Variants in TMEM181 observed in about 807,000 individuals in gnomAD.
The protein encoded by TMEM181 is transmembrane protein 181.
TMEM181 carries 39 observed loss-of-function variants against 71.9 expected under a neutral mutation model. The ratio of observed to expected loss-of-function variants is 0.54; its 90% CI spans 0.42 to 0.71. The LOEUF is 0.71. TMEM181 is among the 30% of genes least tolerant of loss of function. The probability of loss-of-function intolerance (pLI) is 0.00; values close to 1 mark genes in which losing one functional copy is unlikely to be tolerated. For missense variants in TMEM181, 595 were observed against 583.0 expected (o/e 1.02, Z -0.21); for synonymous variants, 245 against 228.8 (o/e 1.07, Z -0.64).
At chr6:158,583,023 A>T (rs562784944) in intron 3 of TMEM181, among the ~76,000 whole-genome samples, 190 of 152,208 alleles carry the variant, frequency 1.2e-3, no homozygotes, top group African/African-American at 4.5e-3. Context: ...TCATGAGATC[A>T]GGACTTCAAG....
chr6:158,567,303 A>G (rs1007195876), intron 1 of TMEM181, among the ~76,000 whole-genome samples: 1 of 152,188 alleles, frequency 6.6e-6, no homozygotes, highest in African/African-American at 2.4e-5. Context: ...CCGGCTGGGC[A>G]GGTGGGGAAG....
chr6:158,626,538 T>G (rs1198586269), intron 13 of TMEM181: 7 of 455,968 alleles, frequency 1.5e-5, no homozygotes, highest in Non-Finnish European at 2.2e-5. Context: ...GCTCTGGGAG[T>G]CCCCACCTTG....
At chr6:158,621,497 G>A (rs779015853) in intron 10 of TMEM181, 12 of 202,768 alleles carry the variant, frequency 5.9e-5, no homozygotes, top group East Asian at 1.3e-4. Flanking sequence ...CTACCAGCCC[G>A]TCCTGAACCC....
At chr6:158,581,975 T>G (rs1168542259) in intron 3 of TMEM181, among the ~76,000 whole-genome samples, 1 of 152,140 alleles carries the variant, frequency 6.6e-6, no homozygotes, top group Non-Finnish European at 1.5e-5. Flanking sequence ...TAAATCTGAT[T>G]GTATGACCCC....
chr6:158,581,592 A>G (rs1338709961), intron 3 of TMEM181, among the ~76,000 whole-genome samples: 2 of 151,866 alleles, frequency 1.3e-5, no homozygotes, highest in African/African-American at 4.8e-5. Flanking sequence ...TCTCTACTGA[A>G]AATACAAAAA....
upstream of TMEM181, among the ~76,000 whole-genome samples, chr6:158,559,567 T>C (rs755113390): frequency 3.3e-5 from 5 of 152,208 alleles, no homozygotes; most frequent in Admixed American, 6.5e-5. Context: ...AAAGTGCTTT[T>C]GGTCCACTGG....
chr6:158,556,787 G>A (rs1399652616), upstream of TMEM181, among the ~76,000 whole-genome samples: 1 of 152,108 alleles, frequency 6.6e-6, no homozygotes, highest in East Asian at 1.9e-4. Flanking sequence ...TTTTGAGATG[G>A]AGTCTCGCTC....
intron 1 of TMEM181, among the ~76,000 whole-genome samples, chr6:158,552,452 T>C (rs1781749649): frequency 6.6e-6 from 1 of 152,232 alleles, no homozygotes; most frequent in Non-Finnish European, 1.5e-5. Flanking sequence ...GAGGAATACA[T>C]GGATCTTAGA....
In TMEM181 at chr6:158,633,814, CTG is replaced by C. The variant is rs1786791977; in HGVS notation, c.*1930_*1931del. ...AATTTGCAATGATGTTTTTTTTATT[CTG>C]TGTATTGAAAAAAATTTTCTGTTAC... is the stretch of plus-strand genomic sequence containing the variant. On this transcript the variant is annotated 3_prime_UTR_variant, in exon 17 of 17. Transcript: ENST00000684151. 2.0e-5 allele frequency: 3 copies of C among 151,970 alleles called. No homozygotes were observed. The South Asian group carries it at 6.2e-4, about 32-fold the overall frequency. The allele number at this position is 151,970 out of a possible 1,614,324, so 9.4% of individuals were successfully genotyped here. A position where few individuals can be genotyped will look rare whatever the true frequency, so the allele number is the denominator to read the frequency against.
intron 10 of TMEM181, among the ~76,000 whole-genome samples, chr6:158,618,596 T>TTG (rs1785762441): frequency 1.3e-5 from 2 of 152,372 alleles, no homozygotes; most frequent in South Asian, 2.1e-4. Flanking sequence ...ATTGATGGTC[T>TTG]TTACAGTTTG....
At chr6:158,540,446 C>T (rs759013909) in intron 1 of TMEM181, among the ~76,000 whole-genome samples, 2 of 152,190 alleles carry the variant, frequency 1.3e-5, no homozygotes, top group Non-Finnish European at 2.9e-5. Context: ...GGTTGTAATA[C>T]TCCTAAACTG....
chr6:158,575,245 A>G (rs1470946587), intron 2 of TMEM181, among the ~76,000 whole-genome samples: 2 of 152,198 alleles, frequency 1.3e-5, no homozygotes, highest in Non-Finnish European at 2.9e-5. Flanking sequence ...GGTTATTACT[A>G]TTTTAGAGTT....
At chr6:158,622,549 A>T (rs1027747669) in intron 10 of TMEM181, among the ~76,000 whole-genome samples, 4 of 152,216 alleles carry the variant, frequency 2.6e-5, no homozygotes, top group African/African-American at 9.6e-5. Context: ...ATGGTGCAGG[A>T]TGTCATCGTG....
At chr6:158,570,205 G>A (rs1208003106) in intron 1 of TMEM181, among the ~76,000 whole-genome samples, 2 of 151,556 alleles carry the variant, frequency 1.3e-5, no homozygotes, top group Admixed American at 6.6e-5. Flanking sequence ...ACAGCAGAGG[G>A]CCAGAGATAG....
intron 10 of TMEM181, among the ~76,000 whole-genome samples, chr6:158,611,852 T>G (rs987665572): frequency 6.6e-6 from 1 of 152,178 alleles, no homozygotes; most frequent in Non-Finnish European, 1.5e-5. Flanking sequence ...CTAAGAGTAT[T>G]TAAGGGTTCA....
intron 2 of TMEM181, among the ~76,000 whole-genome samples, chr6:158,574,756 G>A (rs561634097): frequency 6.6e-6 from 1 of 152,250 alleles, no homozygotes; most frequent in East Asian, 1.9e-4. Flanking sequence ...CTGCCTGCCT[G>A]TCTATCCTGT....
At chr6:158,573,327 T>A in intron 1 of TMEM181, 93 bp from the exon 2 acceptor site, 1 of 848,160 alleles carries the variant, frequency 1.2e-6, no homozygotes, top group South Asian at 1.6e-5. Flanking sequence ...AGGTGGGCAG[T>A]GTCGTGTGGG....
rs1160946803 is a variant in TMEM181, at chr6:158,628,464, C to T, written c.1166C>T (p.Ala389Val). ...CAAGTACTACAAGACAATTTTGTAG[C>T]AGAGCTGTCAACTCACTACCAGAAT... is the stretch of plus-strand genomic sequence containing the variant. ...GAQVLQDNFV[A>V]ELSTHYQNSA... is the part of the protein sequence containing the mutation. Residue 389 changes from alanine (A) to valine (V), a missense_variant, in exon 14 of 17, where the codon GCA becomes GTA. Transcript: ENST00000684151. 3 of 1,614,190 alleles carry T rather than the reference C, an allele frequency of 1.9e-6. No homozygotes were observed. Among genetic ancestry groups the T allele is most frequent in the Non-Finnish European group, 2.5e-6 (3 of 1,180,014 alleles).
intron 7 of TMEM181, among the ~76,000 whole-genome samples, chr6:158,606,090 G>A (rs4708798): frequency 0.29 from 43,867 of 151,858 alleles, 6,830 homozygotes; most frequent in East Asian, 0.61. Context: ...ACACAGGCGC[G>A]TGCACATGTG....
Sources: allele counts gnomAD v4.1 joint callset (sites outside exome capture counted in the v4.1 genomes callset), GRCh38; gene constraint gnomAD v4.1.1; transcripts MANE v1.5; gene names NCBI Gene and HGNC (gene_info 2026-07-23, HGNC 2026-07-21).